The following ETNPPL variants were observed in gnomAD, a reference collection of about 807,000 sequenced individuals.
ETNPPL encodes alanine--glyoxylate aminotransferase 2-like 1.
Under a neutral mutation model 55.5 loss-of-function variants are expected in ETNPPL, and 30 were observed. The ratio of observed to expected loss-of-function variants is 0.54; its 90% CI spans 0.40 to 0.73. The LOEUF is 0.73. Ranked by LOEUF, ETNPPL falls within the 30% of genes least tolerant of loss-of-function variation. ETNPPL has a pLI of 0.00. For synonymous variants in ETNPPL, 202 were observed against 207.2 expected, an observed-to-expected ratio of 0.98 and a Z score of 0.21; for missense variants, 528 against 607.9, an observed-to-expected ratio of 0.87 and a Z score of 1.38.
At position 108,760,036 on chromosome 4, in the gene ETNPPL, A is replaced by T. The variant is rs934094500; in HGVS notation, c.176-128T>A. On this transcript the variant is annotated intron_variant, in intron 2 of 12. Coordinates refer to ENST00000296486, the MANE Select transcript of ETNPPL (RefSeq NM_031279.4). ...CAAAAGTTGAGTTCCTTTCTCTTCC[A>T]TATTTTGCTGCGATTTTCCCCACTA... The T allele has an allele frequency of 4.1e-5, 48 of 1,178,030 alleles. 1 individual carries two copies. The highest frequency in any genetic ancestry group is 3.9e-4 in the South Asian group (27 of 69,082). 73.0% of individuals were successfully genotyped at this position (1,178,030 alleles called of 1,614,324 possible).
At chr4:108,747,148 A>C (rs1437413683) in intron 9 of ETNPPL, among the ~76,000 whole-genome samples, 1 of 35,420 alleles carries the variant, frequency 2.8e-5, no homozygotes, top group Non-Finnish European at 5.0e-5. Context: ...ATATATATAT[A>C]ATATATATAT....
Position 108,760,283 on chromosome 4 carries a change from G to A in ETNPPL, c.80C>T (p.Ala27Val). ...HIGPSCKVFFASDPIKIVRAQ... is the reference protein window; with the variant it reads ...HIGPSCKVFFVSDPIKIVRAQ... ...TCTCACTATTTTGATGGGATCCGAT[G>A]CAAAGAAAACTTTGCATGAGGGCCT... is the stretch of plus-strand genomic sequence containing the variant. The change falls in exon 2 of 13, where the codon GCA (alanine) becomes GTA (valine). Residue 27 changes from alanine (A) to valine (V), a missense_variant. Ala to Val is a moderately conservative substitution (Grantham distance 64). Transcript: ENST00000296486. 6.2e-7 allele frequency: 1 copy of A among 1,609,146 alleles called. No individual in the cohort carries two copies. The highest frequency in any genetic ancestry group is 1.1e-5 in the South Asian group (1 of 90,598).
intron 11 of ETNPPL, 65 bp downstream of exon 11, chr4:108,746,334 C>G: frequency 6.7e-7 from 1 of 1,498,804 alleles, no homozygotes; most frequent in Non-Finnish European, 9.0e-7. Context: ...TATGACTAGA[C>G]CAGGGTTTGA....
At chr4:108,753,788 G>T (rs1253636097) in intron 5 of ETNPPL, among the ~76,000 whole-genome samples, 6,611 of 114,736 alleles carry the variant, frequency 0.058, 391 homozygotes, top group East Asian at 0.35. Flanking sequence ...AAGAAAGAAA[G>T]AAAGAAAGAA....
rs372583373 is a variant in ETNPPL at position 108,762,946 on chromosome 4, G to A, written c.-48C>T. On this transcript the variant is annotated 5_prime_UTR_variant, in exon 1 of 13. Transcript: ENST00000296486. ...CGAAGGTGCAAGGTGCAAGGTCTGC[G>A]CGCCTCCTACGCGAGCCTGGGACTG... is the stretch of plus-strand genomic sequence containing the variant. The A allele has an allele frequency of 1.1e-5, 17 of 1,583,012 alleles. No homozygotes were observed. Among genetic ancestry groups the A allele is most frequent in the South Asian group, 3.3e-5 (3 of 90,430 alleles).
At chr4:108,750,037 G>A (rs1728823095) in intron 7 of ETNPPL, among the ~76,000 whole-genome samples, 1 of 152,122 alleles carries the variant, frequency 6.6e-6, no homozygotes, top group African/African-American at 2.4e-5. Context: ...CCTTTTAAGT[G>A]GGAAGAGAAA....
chr4:108,749,397 C>A lies in ETNPPL; in HGVS notation c.768G>T (p.Gly256=), dbSNP rs1175646816. 1 of 1,614,070 alleles carries A rather than the reference C, an allele frequency of 6.2e-7. No individual in the cohort carries two copies. The highest frequency in any genetic ancestry group is 2.2e-5 in the East Asian group (1 of 44,868). ...ACATCTGGAAGCTCCAGAAATGTTTCCCAACTCTGCCAAAGCCCACTTGAA... is the reference window on the plus strand; with the variant it reads ...ACATCTGGAAGCTCCAGAAATGTTTACCAACTCTGCCAAAGCCCACTTGAA... ...DEVQVGFGRV[G]KHFWSFQMYG... The change falls in exon 8 of 13, where the codon GGG becomes GGT. Residue 256 remains glycine (G), a synonymous_variant. Transcript: ENST00000296486.
At chr4:108,762,455 TTTCCAAAAACTTTCGAG>T in intron 1 of ETNPPL, 1 of 615,538 alleles carries the variant, frequency 1.6e-6, no homozygotes, top group Non-Finnish European at 3.0e-6. Flanking sequence ...CAGTTCACAG[TTTCCAAAAACTTTCGAG>T]TTGTGTGGGG....
intron 4 of ETNPPL, chr4:108,754,915 A>G: frequency 2.1e-6 from 1 of 486,854 alleles, no homozygotes; most frequent in Middle Eastern, 5.2e-4. Context: ...TACATGTAAT[A>G]AAACTCATAG....
intron 1 of ETNPPL, chr4:108,762,411 T>C (rs1273953046): frequency 1.9e-6 from 1 of 526,298 alleles, no homozygotes; most frequent in East Asian, 5.0e-5. Flanking sequence ...TCAGAATTGG[T>C]TTGTTTGCGG....
chr4:108,752,969 G>A lies in ETNPPL; in HGVS notation c.544C>T (p.His182Tyr). The A allele has an allele frequency of 6.2e-7, 1 of 1,612,068 alleles. No homozygotes were observed. The highest frequency in any genetic ancestry group is 8.5e-7 in the Non-Finnish European group (1 of 1,178,876). The change falls in exon 6 of 13, where the codon CAT becomes TAT. Residue 182 changes from histidine (H) to tyrosine (Y), a missense_variant. By Grantham distance (83) the His-to-Tyr change is moderately conservative. Transcript: ENST00000296486. Reference protein sequence around the residue: ...DTYRGKYREDHADSASAYADE... With the variant: ...DTYRGKYREDYADSASAYADE... Reference sequence around the variant, plus strand: ...GCATAAGCACTGGCTGAGTCTGCATGGTCTTCTCTATATTTTCCTCTGTAA... The same window carrying A: ...GCATAAGCACTGGCTGAGTCTGCATAGTCTTCTCTATATTTTCCTCTGTAA...
chr4:108,745,463 A>G (rs894624039), intron 11 of ETNPPL, among the ~76,000 whole-genome samples: 1 of 151,806 alleles, frequency 6.6e-6, no homozygotes, highest in Non-Finnish European at 1.5e-5. Flanking sequence ...GTGTGGTGGC[A>G]TGCTCCTGTA....
intron 1 of ETNPPL, 176 bp downstream of exon 1, chr4:108,762,667 T>A (rs1241834404): frequency 1.3e-6 from 1 of 773,712 alleles, no homozygotes; most frequent in Non-Finnish European, 2.3e-6. Flanking sequence ...CAGGAGCGTT[T>A]CTGGGAGTCC....
At chr4:108,743,984 T>TGGGCC in intron 11 of ETNPPL, 128 bp from the exon 12 acceptor site, 1 of 651,606 alleles carries the variant, frequency 1.5e-6, no homozygotes, top group East Asian at 2.7e-5. Flanking sequence ...AAGAATGGGC[T>TGGGCC]GGGCGCTGTG....
intron 3 of ETNPPL, among the ~76,000 whole-genome samples, chr4:108,758,011 T>A (rs1011050045): frequency 6.8e-6 from 1 of 147,304 alleles, no homozygotes; most frequent in African/African-American, 2.5e-5. Flanking sequence ...TCTTTCTTTT[T>A]TTTTTTTTTT....
intron 6 of ETNPPL, among the ~76,000 whole-genome samples, chr4:108,752,497 G>C (rs1728960794): frequency 6.6e-6 from 1 of 152,182 alleles, no homozygotes; most frequent in South Asian, 2.1e-4. Flanking sequence ...GCTTCAAGAA[G>C]GTCGAAGTTC....
At chr4:108,758,069 A>C (rs1729311527) in intron 3 of ETNPPL, among the ~76,000 whole-genome samples, 2 of 131,000 alleles carry the variant, frequency 1.5e-5, no homozygotes, top group Admixed American at 1.8e-4. Context: ...CAATGGTGTG[A>C]TCTTGGCTCA....
chr4:108,742,225 C>A lies in ETNPPL; in HGVS notation c.*259G>T, dbSNP rs894272889. The A allele has an allele frequency of 7.2e-6, 2 of 279,588 alleles. No homozygotes were observed. The highest frequency in any genetic ancestry group is 4.3e-5 in the African/African-American group (2 of 46,908). 17.3% of individuals were successfully genotyped at this position (279,588 alleles called of 1,614,324 possible). A position where few individuals can be genotyped will look rare whatever the true frequency, so the allele number is the denominator to read the frequency against. ...AATCTGCCAATTTATTTTGAGTTTG[C>A]AAGCTTACAATTTAATAGAATAAAT... On this transcript the variant is annotated 3_prime_UTR_variant, in exon 13 of 13. Transcript: ENST00000296486.
At chr4:108,762,820 C>G (rs1729581412) in intron 1 of ETNPPL, 23 bp downstream of exon 1, 1 of 1,613,752 alleles carries the variant, frequency 6.2e-7, no homozygotes, top group Non-Finnish European at 8.5e-7. Flanking sequence ...TCTGCACTTA[C>G]TTCCGGGCCA....
Sources: gnomAD v4.1 joint callset for allele counts (sites outside exome capture counted in the v4.1 genomes callset) on GRCh38, gnomAD v4.1.1 for gene constraint, MANE v1.5 for transcripts, NCBI Gene and HGNC (gene_info 2026-07-23, HGNC 2026-07-21) for gene names.